CADM2: variants seen among roughly 807,000 people sequenced by gnomAD.
CADM2 encodes cell adhesion molecule 2, also known as immunoglobulin superfamily member 4D.
A neutral mutation model predicts 49.8 loss-of-function variants in CADM2; 12 were observed. The observed-to-expected ratio is 0.24, with a 90% confidence interval of 0.15 to 0.39. The LOEUF (loss-of-function observed/expected upper bound fraction) is 0.39. Among genes scored for constraint, CADM2 ranks in the 10% least tolerant of loss-of-function variants. CADM2 has a pLI of 1.00. For missense variants in CADM2, 378 were observed against 492.3 expected (o/e 0.77, Z 2.20); for synonymous variants, 214 against 175.4 (o/e 1.22, Z -1.74).
At position 85,912,004 on chromosome 3, in the gene CADM2, C is replaced by T. The variant is rs1339775082; in HGVS notation, c.530-369C>T. On this transcript the variant is annotated intron_variant, in intron 5 of 9. Coordinates refer to ENST00000383699, the MANE Select transcript of CADM2 (RefSeq NM_001167675.2). ...TCACTCAGGCTGGAGTGCAGTGGCG[C>T]CATCTCTGCTCACTCTGCAAGCTCT... is the stretch of plus-strand genomic sequence containing the variant. 4.0e-5 allele frequency among the ~76,000 whole-genome samples: 6 copies of T among 151,208 alleles called. No individual in the cohort carries two copies. In the South Asian group the frequency reaches 1.0e-3, roughly 26 times the overall value.
chr3:85,453,898 G>C (rs1347121487), intron 1 of CADM2, among the ~76,000 whole-genome samples: 1 of 152,004 alleles, frequency 6.6e-6, no homozygotes, highest in African/African-American at 2.4e-5. Flanking sequence ...CAATATTTTA[G>C]GTAGTACAGT....
At position 85,897,558 on chromosome 3, in the gene CADM2, C is replaced by T. The variant is rs569698691; in HGVS notation, c.529+11231C>T. Among the ~76,000 whole-genome samples the T allele has an allele frequency of 1.4e-4, 21 of 151,922 alleles. No homozygotes were observed. In the East Asian group the frequency reaches 3.3e-3, roughly 24 times the overall value. On this transcript the variant is annotated intron_variant, in intron 5 of 9. Coordinates refer to ENST00000383699, the MANE Select transcript of CADM2 (RefSeq NM_001167675.2). ...TGCTGGGATTACAGGCGTGAGCCAC[C>T]GCGCCCGGCCTAACCTACATCTTAG...
At chr3:85,293,557 G>T in intron 1 of CADM2, among the ~76,000 whole-genome samples, 1 of 126,468 alleles carries the variant, frequency 7.9e-6, no homozygotes, top group Non-Finnish European at 1.7e-5. Flanking sequence ...CTGGCAAAAC[G>T]AATCCAGCAG....
At chr3:85,357,543 G>T (rs186369970) in intron 1 of CADM2, among the ~76,000 whole-genome samples, 5 of 152,062 alleles carry the variant, frequency 3.3e-5, no homozygotes, top group African/African-American at 1.2e-4. Flanking sequence ...TAATTGGAGA[G>T]CAATTACTTT....
chr3:85,428,792 A>G (rs968623909), intron 1 of CADM2, among the ~76,000 whole-genome samples: 1 of 151,058 alleles, frequency 6.6e-6, no homozygotes, highest in Non-Finnish European at 1.5e-5. Flanking sequence ...TCCATCCATT[A>G]TCCATTTCGT....
intron 1 of CADM2, among the ~76,000 whole-genome samples, chr3:85,392,886 T>C (rs577109637): frequency 6.6e-6 from 1 of 152,208 alleles, no homozygotes; most frequent in African/African-American, 2.4e-5. Context: ...CCTTCATATT[T>C]ATTCTTACTA....
chr3:85,287,994 G>GC (rs1281763004), intron 1 of CADM2, among the ~76,000 whole-genome samples: 1 of 151,704 alleles, frequency 6.6e-6, no homozygotes, highest in Non-Finnish European at 1.5e-5. Flanking sequence ...TATACCTAAT[G>GC]TAAATGAGAA....
At chr3:85,497,120 A>T (rs1189487037) in intron 1 of CADM2, among the ~76,000 whole-genome samples, 2 of 152,208 alleles carry the variant, frequency 1.3e-5, no homozygotes, top group Non-Finnish European at 2.9e-5. Flanking sequence ...CTGGGATTAC[A>T]GGCATGAGTA....
chr3:85,952,639 G>T (rs560238149), intron 7 of CADM2, among the ~76,000 whole-genome samples: 3 of 150,866 alleles, frequency 2.0e-5, no homozygotes, highest in South Asian at 2.1e-4. Context: ...CACTACAGTT[G>T]CACCTGTTGT....
In CADM2 at chr3:85,568,448, T is replaced by TC. The variant is rs1559915877; in HGVS notation, c.62-158074_62-158073insC. Reference sequence around the variant, plus strand: ...CTTTCTTTCTTTCTTTCTTTCTTTCTTTCTTTCTTTCTTTCTCTTTCTCTC... The same window carrying TC: ...CTTTCTTTCTTTCTTTCTTTCTTTCTCTTCTTTCTTTCTTTCTCTTTCTCTC... On this transcript the variant is annotated intron_variant, in intron 1 of 9. Coordinates refer to ENST00000383699, the MANE Select transcript of CADM2 (RefSeq NM_001167675.2). Among the ~76,000 whole-genome samples, 104 of 34,456 alleles carry TC rather than the reference T, an allele frequency of 3.0e-3. 1 individual carries two copies. The highest frequency in any genetic ancestry group is 4.8e-3 in the South Asian group (5 of 1,048). The allele number at this position is 34,456 out of a possible 152,430, so 22.6% of individuals were successfully genotyped here. A position where few individuals can be genotyped will look rare whatever the true frequency, so the allele number is the denominator to read the frequency against.
At chr3:85,477,965 T>C (rs1383153033) in intron 1 of CADM2, among the ~76,000 whole-genome samples, 1 of 151,980 alleles carries the variant, frequency 6.6e-6, no homozygotes, top group African/African-American at 2.4e-5. Context: ...TAGCAAAATG[T>C]GCTTTGAAAT....
At chr3:85,062,791 A>G (rs945946516) in intron 1 of CADM2, among the ~76,000 whole-genome samples, 1 of 152,140 alleles carries the variant, frequency 6.6e-6, no homozygotes, top group African/African-American at 2.4e-5. Flanking sequence ...CTCAACCCTA[A>G]TGATGATTAT....
At chr3:85,015,868 C>A (rs538516276) in intron 1 of CADM2, among the ~76,000 whole-genome samples, 1 of 151,930 alleles carries the variant, frequency 6.6e-6, no homozygotes, top group Non-Finnish European at 1.5e-5. Context: ...AGCAGGAATG[C>A]GAAGGCCTGG....
intron 1 of CADM2, among the ~76,000 whole-genome samples, chr3:85,061,782 A>T (rs1308148945): frequency 1.3e-5 from 2 of 152,086 alleles, no homozygotes; most frequent in Non-Finnish European, 2.9e-5. Flanking sequence ...TGTGTTCGGT[A>T]TTGCAATGTA....
chr3:85,046,360 T>C (rs570454177), intron 1 of CADM2, among the ~76,000 whole-genome samples: 2 of 150,808 alleles, frequency 1.3e-5, no homozygotes, highest in East Asian at 3.9e-4. Context: ...CATGAATTCA[T>C]TGTGACCCCA....
chr3:85,539,252 A>C (rs1254253206), intron 1 of CADM2, among the ~76,000 whole-genome samples: 1 of 102,652 alleles, frequency 9.7e-6, no homozygotes, highest in Non-Finnish European at 2.5e-5. Context: ...AGTGTGAATA[A>C]GATTATATGG....
chr3:85,026,437 G>A (rs1296031070), intron 1 of CADM2, among the ~76,000 whole-genome samples: 1 of 152,014 alleles, frequency 6.6e-6, no homozygotes. Context: ...CAAAACTATT[G>A]CAATATAGCA....
chr3:85,515,632 T>TATATATA (rs1491095321), intron 1 of CADM2, among the ~76,000 whole-genome samples: 9 of 94,292 alleles, frequency 9.5e-5, no homozygotes, highest in African/African-American at 3.4e-4. Flanking sequence ...TATATATATA[T>TATATATA]TTTTTTTTTT....
intron 1 of CADM2, among the ~76,000 whole-genome samples, chr3:85,243,705 A>G (rs1432888820): frequency 1.3e-5 from 2 of 152,050 alleles, no homozygotes; most frequent in African/African-American, 2.4e-5. Flanking sequence ...ACATAACTGT[A>G]AGAGTGCTGT....
Sources: allele counts gnomAD v4.1 joint callset (sites outside exome capture counted in the v4.1 genomes callset), GRCh38; gene constraint gnomAD v4.1.1; transcripts MANE v1.5; gene names NCBI Gene and HGNC (gene_info 2026-07-23, HGNC 2026-07-21).